The following PTGER3 variants were observed in gnomAD, a reference collection of about 807,000 sequenced individuals.
PTGER3 encodes prostaglandin E receptor 3, also known as prostaglandin E2 receptor EP3 subtype.
Under a neutral mutation model 34.7 loss-of-function variants are expected in PTGER3, and 22 were observed. The observed-to-expected ratio is 0.63, with a 90% CI of 0.45 to 0.91. The LOEUF is 0.91. Among genes scored for constraint, PTGER3 ranks in the 40% least tolerant of loss-of-function variants. The pLI is 0.00. For missense variants in PTGER3, 468 were observed against 519.4 expected (o/e 0.90, Z 0.96); for synonymous variants, 241 against 230.1 (o/e 1.05, Z -0.43).
downstream of PTGER3, among the ~76,000 whole-genome samples, chr1:70,966,563 T>C (rs150419001): frequency 0.067 from 10,229 of 152,186 alleles, 430 homozygotes; most frequent in Middle Eastern, 0.092. Flanking sequence ...GGTGGTTTGC[T>C]GCACCTATTG....
At chr1:70,881,571 A>T (rs1027378237) in intron 4 of PTGER3, among the ~76,000 whole-genome samples, 3 of 151,790 alleles carry the variant, frequency 2.0e-5, no homozygotes, top group Admixed American at 2.0e-4. Context: ...TCAGCCTTTG[A>T]AGTTGCAGTC....
intron 4 of PTGER3, among the ~76,000 whole-genome samples, chr1:70,912,959 C>T (rs547042372): frequency 2.0e-5 from 3 of 151,684 alleles, no homozygotes; most frequent in Admixed American, 1.3e-4. Flanking sequence ...GCCTCTTTTT[C>T]GAAAAATTAT....
intron 1 of PTGER3, among the ~76,000 whole-genome samples, chr1:71,043,414 T>G (rs983342657): frequency 6.6e-6 from 1 of 152,218 alleles, no homozygotes; most frequent in Non-Finnish European, 1.5e-5. Context: ...TCTATTTAAG[T>G]ATTTATGTAG....
At chr1:70,928,134 T>G (rs1648298752) in intron 4 of PTGER3, among the ~76,000 whole-genome samples, 1 of 22,406 alleles carries the variant, frequency 4.5e-5, no homozygotes, top group Non-Finnish European at 1.0e-4. Flanking sequence ...TATATATATT[T>G]ATATATATAT....
At chr1:71,005,706 T>C (rs772608383) in intron 2 of PTGER3, 7 of 211,630 alleles carry the variant, frequency 3.3e-5, no homozygotes, top group Non-Finnish European at 5.7e-5. Context: ...ATGGATTTAC[T>C]CAAGGCTAGT....
intron 1 of PTGER3, among the ~76,000 whole-genome samples, chr1:71,038,871 G>A (rs555443974): frequency 1.3e-5 from 2 of 152,328 alleles, no homozygotes; most frequent in Non-Finnish European, 2.9e-5. Context: ...CTAATTGCCT[G>A]TGAAAAGATG....
chr1:70,977,346 C>A (rs1435900415), intron 2 of PTGER3, among the ~76,000 whole-genome samples: 2 of 152,080 alleles, frequency 1.3e-5, no homozygotes, highest in Admixed American at 6.6e-5. Context: ...CAGAGCCATG[C>A]TGCCTCTGTG....
chr1:71,006,594 G>A, intron 2 of PTGER3: 1 of 978,914 alleles, frequency 1.0e-6, no homozygotes, highest in Non-Finnish European at 1.2e-6. Context: ...ATAATCTTGA[G>A]ATAATAAAAC....
At chr1:70,881,249 C>T (rs1240932877) in intron 4 of PTGER3, among the ~76,000 whole-genome samples, 1 of 152,108 alleles carries the variant, frequency 6.6e-6, no homozygotes, top group Non-Finnish European at 1.5e-5. Flanking sequence ...GAGTTTTTCA[C>T]CTCTGTTAGT....
intron 4 of PTGER3, among the ~76,000 whole-genome samples, chr1:70,912,858 G>A (rs899997760): frequency 6.6e-6 from 1 of 151,878 alleles, no homozygotes. Context: ...TGATCTATAT[G>A]TCTATCTTTA....
Position 71,046,925 on chromosome 1 carries a change from C to T in PTGER3, c.653G>A (p.Gly218Glu). 1 of 1,609,362 alleles carries T rather than the reference C, an allele frequency of 6.2e-7. No homozygotes were observed. The highest frequency in any genetic ancestry group is 1.3e-5 in the African/African-American group (1 of 75,028). ...GCCCCAGTTATGCGAAGAGCTAGTC[C>T]CGTTGCCCCCTCGCCCGGTGCTGAT... ...CFISTGRGGN[G>E]TSSSHNWGNL... Residue 218 changes from glycine (G) to glutamate (E), a missense_variant, in exon 1 of 4, where the codon GGG becomes GAG. By Grantham distance (98) the Gly-to-Glu change is moderately conservative. Around this residue, in one of 5 missense-constraint regions of PTGER3, gnomAD observed 204 missense variants for 230.8 expected, o/e 0.88. Coordinates refer to ENST00000306666, the MANE Select transcript of PTGER3 (RefSeq NM_198719.2).
At chr1:70,952,305 G>A (rs1327150356), downstream of PTGER3, 8 of 562,126 alleles carry the variant, frequency 1.4e-5, no homozygotes, top group South Asian at 1.6e-4. Flanking sequence ...AAGTAACTTC[G>A]TGATGGGGTT....
chr1:70,974,924 C>G (rs1653533123), intron 2 of PTGER3, among the ~76,000 whole-genome samples: 1 of 152,140 alleles, frequency 6.6e-6, no homozygotes. Context: ...TTTGTACTTG[C>G]ACTTTCTTCT....
chr1:70,880,103 G>T (rs191933626), intron 4 of PTGER3, among the ~76,000 whole-genome samples: 273 of 151,874 alleles, frequency 1.8e-3, no homozygotes, highest in Non-Finnish European at 3.2e-3. Flanking sequence ...AAAAAAAATT[G>T]ATATGTGTAG....
chr1:71,043,858 C>T (rs1032218341), intron 1 of PTGER3, among the ~76,000 whole-genome samples: 6 of 151,082 alleles, frequency 4.0e-5, no homozygotes, highest in African/African-American at 1.5e-4. Flanking sequence ...GCTCTGTCAC[C>T]CGTGCTGGAG....
At chr1:70,963,870 C>G (rs1188047344) in intron 2 of PTGER3, among the ~76,000 whole-genome samples, 1 of 152,142 alleles carries the variant, frequency 6.6e-6, no homozygotes, top group Non-Finnish European at 1.5e-5. Context: ...ATTGCATGGT[C>G]AGGCTGCAAA....
At chr1:71,006,526 A>G in intron 2 of PTGER3, 1 of 984,534 alleles carries the variant, frequency 1.0e-6, no homozygotes. Flanking sequence ...CAAAATCCAC[A>G]AGAAAGGGAA....
At chr1:71,023,711 G>A (rs1445134855) in intron 1 of PTGER3, among the ~76,000 whole-genome samples, 1 of 151,806 alleles carries the variant, frequency 6.6e-6, no homozygotes, top group Non-Finnish European at 1.5e-5. Context: ...AGTTACCCTT[G>A]ATTCATTTCT....
At chr1:70,904,797 T>A (rs1557644152) in intron 4 of PTGER3, among the ~76,000 whole-genome samples, 1 of 152,098 alleles carries the variant, frequency 6.6e-6, no homozygotes, top group Non-Finnish European at 1.5e-5. Flanking sequence ...GAAAAGAAAA[T>A]CCCATTTTCT....
Sources: allele counts gnomAD v4.1 joint callset (sites outside exome capture counted in the v4.1 genomes callset), GRCh38; gene constraint gnomAD v4.1.1; regional missense constraint gnomAD v4.1.1; transcripts MANE v1.5; gene names NCBI Gene and HGNC (gene_info 2026-07-23, HGNC 2026-07-21).